The following NLK variants were observed in gnomAD, a reference collection of about 807,000 sequenced individuals.
NLK encodes the protein nemo like kinase.
A neutral mutation model predicts 59.0 loss-of-function variants in NLK; 11 were observed. The observed-to-expected ratio is 0.19, with a 90% CI of 0.12 to 0.31. The LOEUF (loss-of-function observed/expected upper bound fraction) is 0.31, where lower values mean the gene tolerates loss of function less well. Ranked by LOEUF, NLK falls within the 10% of genes least tolerant of loss-of-function variation. NLK has a pLI of 1.00. For synonymous variants in NLK, 235 were observed against 235.9 expected, an observed-to-expected ratio of 1.00 and a Z score of 0.03; for missense variants, 410 against 661.1, an observed-to-expected ratio of 0.62 and a Z score of 4.16.
intron 3 of NLK, among the ~76,000 whole-genome samples, chr17:28,158,697 A>G (rs910525945): frequency 2.6e-5 from 4 of 152,070 alleles, no homozygotes; most frequent in Admixed American, 6.5e-5. Context: ...TGGTGCAATC[A>G]TGGCTCACTG....
At chr17:28,172,725 GA>G in intron 7 of NLK, 107 bp downstream of exon 7, 1 of 521,586 alleles carries the variant, frequency 1.9e-6, no homozygotes, top group Non-Finnish European at 3.1e-6. Context: ...TTATCTGTAG[GA>G]TTTTTTTTTT....
chr17:28,172,484 A>G lies in NLK; in HGVS notation c.1048-33A>G, dbSNP rs185376615. 771 of 1,416,396 alleles carry G rather than the reference A, an allele frequency of 5.4e-4. 4 individuals are homozygous for G. Among genetic ancestry groups the G allele is most frequent in the Non-Finnish European group, 3.8e-5 (40 of 1,043,142 alleles). The allele number at this position is 1,416,396 out of a possible 1,614,324, so 87.7% of individuals were successfully genotyped here. A position where few individuals can be genotyped will look rare whatever the true frequency, so the allele number is the denominator to read the frequency against. On this transcript the variant is annotated intron_variant, in intron 6 of 10. Transcript: ENST00000407008. Reference sequence around the variant, plus strand: ...AGTAATGAAAAGTTATTTCCATGAGATTACTATCTATCTGTATTTTATTTC... The same window carrying G: ...AGTAATGAAAAGTTATTTCCATGAGGTTACTATCTATCTGTATTTTATTTC...
intron 7 of NLK, among the ~76,000 whole-genome samples, chr17:28,173,886 G>T (rs1028758982): frequency 6.6e-6 from 1 of 152,160 alleles, no homozygotes; most frequent in African/African-American, 2.4e-5. Context: ...ATCTTGCCTG[G>T]TTCAAGGTAA....
chr17:28,068,630 A>G (rs1909912014), intron 1 of NLK, among the ~76,000 whole-genome samples: 1 of 152,130 alleles, frequency 6.6e-6, no homozygotes, highest in Non-Finnish European at 1.5e-5. Flanking sequence ...CAGTTGATTA[A>G]TGTTTTGTAT....
At chr17:28,168,751 T>C in intron 6 of NLK, 94 bp downstream of exon 6, 1 of 926,044 alleles carries the variant, frequency 1.1e-6, no homozygotes, top group South Asian at 1.6e-5. Flanking sequence ...TTCATTATAC[T>C]GTCTAATTTG....
At chr17:28,102,200 A>G (rs1904926015) in intron 1 of NLK, among the ~76,000 whole-genome samples, 1 of 152,024 alleles carries the variant, frequency 6.6e-6, no homozygotes, top group African/African-American at 2.4e-5. Context: ...TTTTGTTTTT[A>G]TGTTCCTCTT....
At chr17:28,199,529 G>C (rs1909569298), downstream of NLK, among the ~76,000 whole-genome samples, 1 of 151,926 alleles carries the variant, frequency 6.6e-6, no homozygotes, top group South Asian at 2.1e-4. Context: ...AGCCAGGCGT[G>C]GTGATGGGCG....
rs201355157 is a variant in NLK at position 28,169,698 on chromosome 17, CT to C, written c.1047+1050del. Among the ~76,000 whole-genome samples, 9 of 140,816 alleles carry C rather than the reference CT, an allele frequency of 6.4e-5. No individual in the cohort carries two copies. The East Asian group carries it at 1.2e-3, about 19-fold the overall frequency. The allele number at this position is 140,816 out of a possible 152,430, so 92.4% of individuals were successfully genotyped here. A position where few individuals can be genotyped will look rare whatever the true frequency, so the allele number is the denominator to read the frequency against. On this transcript the variant is annotated intron_variant, in intron 6 of 10. Coordinates refer to ENST00000407008, the MANE Select transcript of NLK (RefSeq NM_016231.5). Reference sequence around the variant, plus strand: ...GGTAAGTTACTTAACCTCTGTGTTCCTTTTTTTTTGCTGCTTCTTCTTCTTT... The same window carrying C: ...GGTAAGTTACTTAACCTCTGTGTTCCTTTTTTTTGCTGCTTCTTCTTCTTT...
intron 3 of NLK, among the ~76,000 whole-genome samples, chr17:28,153,594 C>T (rs933805567): frequency 1.3e-5 from 2 of 152,184 alleles, no homozygotes; most frequent in Non-Finnish European, 2.9e-5. Context: ...AGCATTTCAA[C>T]CTATGAACTT....
chr17:28,080,861 TC>T (rs1910320218), intron 1 of NLK, among the ~76,000 whole-genome samples: 1 of 152,194 alleles, frequency 6.6e-6, no homozygotes, highest in African/African-American at 2.4e-5. Flanking sequence ...GGAGCTTAGT[TC>T]CTTGAAGTAA....
At chr17:28,046,749 C>T (rs762240037) in intron 1 of NLK, among the ~76,000 whole-genome samples, 3 of 152,080 alleles carry the variant, frequency 2.0e-5, no homozygotes, top group African/African-American at 4.8e-5. Context: ...GTTTGAGGAT[C>T]GCTGTGCCTA....
At chr17:28,084,046 C>T (rs1910433239) in intron 1 of NLK, among the ~76,000 whole-genome samples, 1 of 152,112 alleles carries the variant, frequency 6.6e-6, no homozygotes, top group Non-Finnish European at 1.5e-5. Flanking sequence ...GACCCATTAG[C>T]CCAGTATTCA....
At chr17:28,127,323 T>G (rs1443537603) in intron 2 of NLK, among the ~76,000 whole-genome samples, 1 of 152,180 alleles carries the variant, frequency 6.6e-6, no homozygotes, top group Non-Finnish European at 1.5e-5. Context: ...CTTTGTATAG[T>G]CTGACCTAAC....
intron 3 of NLK, among the ~76,000 whole-genome samples, chr17:28,147,702 A>T (rs1231715788): frequency 1.3e-5 from 2 of 152,136 alleles, no homozygotes; most frequent in Non-Finnish European, 2.9e-5. Flanking sequence ...TTCCCACCTA[A>T]TGTCCTTGAT....
downstream of NLK, among the ~76,000 whole-genome samples, chr17:28,200,802 A>T (rs79584230): frequency 0.011 from 1,615 of 149,778 alleles, 14 homozygotes; most frequent in African/African-American, 0.023. Context: ...CTTAAAAAAA[A>T]TTTTTTTTTT....
At chr17:28,174,214 G>T (rs1908584673) in intron 7 of NLK, among the ~76,000 whole-genome samples, 1 of 152,054 alleles carries the variant, frequency 6.6e-6, no homozygotes, top group Admixed American at 6.6e-5. Context: ...ATAAAAAAAG[G>T]GTAAATATAT....
intron 1 of NLK, among the ~76,000 whole-genome samples, chr17:28,083,188 A>G (rs537898533): frequency 1.3e-4 from 20 of 152,336 alleles, no homozygotes; most frequent in African/African-American, 4.8e-4. Flanking sequence ...TAATTATTAG[A>G]TGAAAAATTC....
chr17:28,067,873 G>C (rs1473746292), intron 1 of NLK, among the ~76,000 whole-genome samples: 3 of 151,262 alleles, frequency 2.0e-5, no homozygotes, highest in Non-Finnish European at 4.4e-5. Flanking sequence ...GGGCATGGTG[G>C]CTCACACCTA....
intron 2 of NLK, among the ~76,000 whole-genome samples, chr17:28,130,528 T>C (rs1906472992): frequency 6.6e-6 from 1 of 152,202 alleles, no homozygotes; most frequent in Admixed American, 6.5e-5. Context: ...ATGGCTTTTT[T>C]ACAAAAAGCC....
Sources: allele counts gnomAD v4.1 joint callset (sites outside exome capture counted in the v4.1 genomes callset), GRCh38; gene constraint gnomAD v4.1.1; transcripts MANE v1.5; gene names NCBI Gene and HGNC (gene_info 2026-07-23, HGNC 2026-07-21).